WASHC2C: variants seen among roughly 807,000 people sequenced by gnomAD.
WASHC2C encodes Vaccinia Penetration Factor.
In WASHC2C, 73 loss-of-function variants were observed where a neutral mutation model predicts 142.2. That is an observed-to-expected ratio of 0.51 (90% CI 0.43 to 0.62). The LOEUF (loss-of-function observed/expected upper bound fraction) is 0.62. Ranked by LOEUF, WASHC2C falls within the 20% of genes least tolerant of loss-of-function variation. The pLI is 0.00. For missense variants in WASHC2C, 969 were observed against 1,531.7 expected (o/e 0.63, Z 6.13); for synonymous variants, 337 against 565.5 (o/e 0.60, Z 5.73).
intron 23 of WASHC2C, among the ~76,000 whole-genome samples, chr10:45,784,287 T>TACAC (rs1184044056): frequency 1.5e-3 from 13 of 8,522 alleles, no homozygotes; most frequent in Admixed American, 5.4e-3. Flanking sequence ...TATATATATA[T>TACAC]ATACACATAT....
intron 2 of WASHC2C, 97 bp from the exon 3 acceptor site, chr10:45,728,765 C>G: frequency 2.3e-6 from 3 of 1,309,136 alleles, no homozygotes; most frequent in Non-Finnish European, 3.1e-6. Flanking sequence ...CACATTCTAA[C>G]ACTCAAAGGT....
In WASHC2C at chr10:45,746,648, G is replaced by A; in HGVS notation, c.732+1G>A. On this transcript the variant is annotated splice_donor_variant, in intron 8 of 30. Coordinates refer to ENST00000623400, the MANE Select transcript of WASHC2C (RefSeq NM_001330074.2). LOFTEE classifies it high-confidence loss of function. ...TCACAGTGACAATGAACAAAACCAG[G>A]TAAGGCTCATATATTGAAATGACTT... 6.2e-7 allele frequency: 1 copy of A among 1,613,190 alleles called. No homozygotes were observed. The highest frequency in any genetic ancestry group is 1.7e-5 in the Admixed American group (1 of 59,978).
intron 11 of WASHC2C, 150 bp from the exon 12 acceptor site, chr10:45,752,438 T>G: frequency 1.4e-6 from 1 of 694,058 alleles, no homozygotes; most frequent in Non-Finnish European, 2.6e-6. Context: ...AGGGGTTTAG[T>G]GTGAAATTCA....
intron 8 of WASHC2C, among the ~76,000 whole-genome samples, chr10:45,747,555 T>G (rs1164525550): frequency 6.6e-6 from 1 of 152,222 alleles, no homozygotes; most frequent in African/African-American, 2.4e-5. Context: ...AGTTTATTTC[T>G]AGAGTTGTAT....
chr10:45,743,197 A>G (rs1205588808), intron 5 of WASHC2C, among the ~76,000 whole-genome samples, 193 bp from the exon 6 acceptor site: 68 of 152,066 alleles, frequency 4.5e-4, no homozygotes, highest in South Asian at 1.0e-3. Context: ...ATCTTTACCT[A>G]GGATTTGACT....
intron 30 of WASHC2C, among the ~76,000 whole-genome samples, chr10:45,791,365 AAG>A (rs2058384921): frequency 6.7e-6 from 1 of 149,554 alleles, no homozygotes; most frequent in African/African-American, 2.4e-5. Context: ...AAAATGTAAA[AAG>A]TGAATAACCC....
Position 45,784,891 on chromosome 10 carries a change from C to T in WASHC2C, c.2678C>T (p.Ser893Phe), listed in dbSNP as rs781808628. 6.2e-7 allele frequency: 1 copy of T among 1,608,710 alleles called. No individual in the cohort carries two copies. The highest frequency in any genetic ancestry group is 1.3e-5 in the African/African-American group (1 of 74,592). ...EDDDLFSSAK[S>F]QPLVQEKKRV... ...GATGATCTTTTCAGCTCTGCCAAGT[C>T]CCAGCCTTTGGTACCAGCCTTTTGT... The change falls in exon 25 of 31, where the codon TCC (serine) becomes TTC (phenylalanine). Residue 893 changes from serine to phenylalanine, a missense_variant. Coordinates refer to ENST00000623400, the MANE Select transcript of WASHC2C (RefSeq NM_001330074.2).
chr10:45,777,300 C>T lies in WASHC2C; in HGVS notation c.2170C>T (p.Pro724Ser). ...KKKETVSEAPPLLFSDEEEKE... is the reference protein window; with the variant it reads ...KKKETVSEAPSLLFSDEEEKE... ...AAAAGAGACTGTCTCTGAGGCACCA[C>T]CTTTGCTGTTCAGCGATGAAGAAGA... The change falls in exon 22 of 31, where the codon CCT (proline) becomes TCT (serine). Residue 724 changes from proline (P) to serine (S), a missense_variant. Physicochemically the swap from Pro to Ser is moderately conservative, Grantham distance 74 (BLOSUM62 -1). Transcript: ENST00000623400. The T allele has an allele frequency of 2.5e-6, 4 of 1,601,916 alleles. No homozygotes were observed. The highest frequency in any genetic ancestry group is 3.4e-6 in the Non-Finnish European group (4 of 1,172,886).
chr10:45,770,875 G>T (rs1216322408), intron 20 of WASHC2C, among the ~76,000 whole-genome samples: 28 of 152,274 alleles, frequency 1.8e-4, no homozygotes, highest in Admixed American at 1.4e-3. Flanking sequence ...TCATCGGTTT[G>T]TTGGGATGAT....
rs2053489732 is a variant in WASHC2C, at chr10:45,750,820, G to A, written c.913G>A (p.Val305Met). ...ARIKGDAMGR[V>M]DEEPTTLPSG... ...CATCAAGGGGGATGCCATGGGTCGA[G>A]TGGACGAGGAGCCGACAAGTGAGCC... Residue 305 changes from valine (V) to methionine (M), a missense_variant, in exon 10 of 31, where the codon GTG becomes ATG. Transcript: ENST00000623400. The A allele has an allele frequency of 6.5e-7, 1 of 1,548,542 alleles. No homozygotes were observed. The highest frequency in any genetic ancestry group is 8.7e-7 in the Non-Finnish European group (1 of 1,146,938).
At chr10:45,749,851 A>ATATATATATT (rs797033033) in intron 8 of WASHC2C, among the ~76,000 whole-genome samples, 3,083 of 107,594 alleles carry the variant, frequency 0.029, 142 homozygotes, top group African/African-American at 0.077. Context: ...ATATATATAT[A>ATATATATATT]TATATTTATA....
chr10:45,734,694 G>T (rs2051008137), intron 3 of WASHC2C, among the ~76,000 whole-genome samples: 2 of 151,220 alleles, frequency 1.3e-5, no homozygotes, highest in African/African-American at 4.9e-5. Flanking sequence ...ATCATTTTGG[G>T]TGGGGATTCC....
chr10:45,758,606 CTTT>C (rs60416109), intron 16 of WASHC2C, among the ~76,000 whole-genome samples: 10 of 128,110 alleles, frequency 7.8e-5, no homozygotes, highest in Non-Finnish European at 8.5e-5. Flanking sequence ...CATTCTTCTT[CTTT>C]TTTTTTTTTT....
rs1234958408 is a variant in WASHC2C at position 45,792,752 on chromosome 10, T to G, written c.*352T>G. ...AGCAAATGCCACCTGACCAGAAGTC[T>G]TTGTTATATGGATGGGAACCCTAAC... On this transcript the variant is annotated 3_prime_UTR_variant, in exon 31 of 31. Transcript: ENST00000623400. The G allele has an allele frequency of 3.9e-6, 2 of 511,934 alleles. No individual in the cohort carries two copies. The highest frequency in any genetic ancestry group is 3.9e-5 in the African/African-American group (2 of 51,822). 31.7% of individuals were successfully genotyped at this position (511,934 alleles called of 1,614,324 possible).
rs71520974 is a variant in WASHC2C at position 45,736,405 on chromosome 10, CAAAAAAAAAAAA to C, written c.292-1557_292-1546del. Among the ~76,000 whole-genome samples the C allele has an allele frequency of 1.6e-3, 40 of 24,562 alleles. No homozygotes were observed. In the East Asian group the frequency reaches 0.035, roughly 21 times the overall value. 16.1% of individuals were successfully genotyped at this position (24,562 alleles called of 152,430 possible). ...TTGGCAACAGAGTGAGACTCCATCT[CAAAAAAAAAAAA>C]AAAAAAAAAAAAAAAAAAAAGGGCA... On this transcript the variant is annotated intron_variant, in intron 3 of 30. Transcript: ENST00000623400.
upstream of WASHC2C, chr10:45,727,210 G>T (rs889301268): frequency 4.8e-5 from 71 of 1,493,026 alleles, no homozygotes; most frequent in African/African-American, 9.6e-4. Flanking sequence ...ATCAGGTCAC[G>T]TGAGGCCGGT....
chr10:45,747,079 A>G (rs2052924557), intron 8 of WASHC2C, among the ~76,000 whole-genome samples: 1 of 152,208 alleles, frequency 6.6e-6, no homozygotes, highest in Non-Finnish European at 1.5e-5. Context: ...TATTCTTTTC[A>G]TAGTGTGCAT....
At chr10:45,747,943 G>T (rs2053053966) in intron 8 of WASHC2C, among the ~76,000 whole-genome samples, 2 of 132,810 alleles carry the variant, frequency 1.5e-5, no homozygotes, top group Non-Finnish European at 3.2e-5. Flanking sequence ...GAATGAGGTG[G>T]TATAGAGTTA....
At chr10:45,768,725 CT>C (rs199857582) in intron 19 of WASHC2C, among the ~76,000 whole-genome samples, 4 of 151,544 alleles carry the variant, frequency 2.6e-5, no homozygotes, top group Non-Finnish European at 4.4e-5. Context: ...AGTTTTTACA[CT>C]TTTTTTTTCA....
Sources: allele counts gnomAD v4.1 joint callset (sites outside exome capture counted in the v4.1 genomes callset), GRCh38; gene constraint gnomAD v4.1.1; transcripts MANE v1.5; gene names NCBI Gene and HGNC (gene_info 2026-07-23, HGNC 2026-07-21).